The following PREX2 variants were observed in gnomAD, a reference collection of about 807,000 sequenced individuals.
The protein encoded by PREX2 is phosphatidylinositol 3,4,5-trisphosphate-dependent Rac exchanger 2 protein.
In PREX2, 107 loss-of-function variants were observed where a neutral mutation model predicts 203.2. The observed-to-expected ratio is 0.53, with a 90% CI of 0.45 to 0.62. The LOEUF (loss-of-function observed/expected upper bound fraction) is 0.62. Among genes scored for constraint, PREX2 ranks in the 20% least tolerant of loss-of-function variants. The pLI is 0.00. For missense variants in PREX2, 1,777 were observed against 1,955.9 expected (o/e 0.91, Z 1.72); for synonymous variants, 672 against 663.6 (o/e 1.01, Z -0.19).
In PREX2 at chr8:68,160,797, A is replaced by G. The variant is rs186845680; in HGVS notation, c.4346+3361A>G. On this transcript the variant is annotated intron_variant, in intron 35 of 39. Transcript: ENST00000288368. ...GATAGAGAGAAGACTTAGTTTTTCA[A>G]AAAATCAAAATACCTAATAAAGACA... is the stretch of plus-strand genomic sequence containing the variant. Among the ~76,000 whole-genome samples, 12 of 152,304 alleles carry G rather than the reference A, an allele frequency of 7.9e-5. No individual in the cohort carries two copies. The East Asian group carries it at 2.3e-3, about 29-fold the overall frequency.
chr8:68,067,393 C>T lies in PREX2; in HGVS notation c.1340-1640C>T, dbSNP rs114082613. 7.0e-3 allele frequency among the ~76,000 whole-genome samples: 1,070 copies of T among 151,992 alleles called. 19 individuals are homozygous for T. The highest frequency in any genetic ancestry group is 0.025 in the African/African-American group (1,017 of 41,510). ...CATTTATTTGTGTTTTCTTTAATTT[C>T]TTTCATAGTTTGTAGTTTATTATTT... On this transcript the variant is annotated intron_variant, in intron 11 of 39. Transcript: ENST00000288368.
intron 34 of PREX2, among the ~76,000 whole-genome samples, 181 bp downstream of exon 34, chr8:68,146,533 A>G (rs1335069972): frequency 6.6e-6 from 1 of 152,204 alleles, no homozygotes; most frequent in Non-Finnish European, 1.5e-5. Flanking sequence ...TATTTACCAA[A>G]TACAGTTGCA....
chr8:68,059,699 T>A (rs1160926640), intron 10 of PREX2, among the ~76,000 whole-genome samples: 1 of 152,076 alleles, frequency 6.6e-6, no homozygotes, highest in Non-Finnish European at 1.5e-5. Flanking sequence ...AAAATCAAGG[T>A]GCTGGCCAGA....
At position 67,956,431 on chromosome 8, in the gene PREX2, C is replaced by T. The variant is rs559092305; in HGVS notation, c.141+3896C>T. Among the ~76,000 whole-genome samples the T allele has an allele frequency of 1.1e-4, 17 of 152,332 alleles. No individual in the cohort carries two copies. The South Asian group carries it at 3.5e-3, about 32-fold the overall frequency. ...GCTCTGCTATTGCCATCTTGAAATT[C>T]TTGCCAATTTTATCTTTGACCTTGT... On this transcript the variant is annotated intron_variant, in intron 1 of 39. Transcript: ENST00000288368.
At chr8:68,155,981 C>A (rs189310317) in intron 34 of PREX2, among the ~76,000 whole-genome samples, 34 of 152,240 alleles carry the variant, frequency 2.2e-4, no homozygotes, top group African/African-American at 2.4e-5. Context: ...ATTAATATTT[C>A]TTAATGAAGG....
intron 22 of PREX2, 22 bp downstream of exon 22, chr8:68,097,223 T>C (rs768111306): frequency 6.3e-7 from 1 of 1,576,024 alleles, no homozygotes; most frequent in Admixed American, 1.8e-5. Context: ...GCTGAAGAAA[T>C]AAGATTTTTT....
chr8:68,182,408 T>C (rs1385368496), intron 35 of PREX2, among the ~76,000 whole-genome samples: 1 of 152,136 alleles, frequency 6.6e-6, no homozygotes, highest in Non-Finnish European at 1.5e-5. Flanking sequence ...GCATACTCAC[T>C]CTCTAATTTT....
chr8:68,204,842 C>T (rs1324597146), intron 37 of PREX2, among the ~76,000 whole-genome samples: 2 of 151,716 alleles, frequency 1.3e-5, no homozygotes, highest in Non-Finnish European at 2.9e-5. Flanking sequence ...CCACCACACC[C>T]GGCTAATTTT....
At chr8:68,077,245 G>T (rs1177627732) in intron 14 of PREX2, 152 bp from the exon 15 acceptor site, 4 of 612,280 alleles carry the variant, frequency 6.5e-6, no homozygotes, top group Non-Finnish European at 9.0e-6. Flanking sequence ...TGAATGTTTT[G>T]TAACAATTAG....
chr8:68,064,773 A>G (rs1227017472), intron 11 of PREX2, among the ~76,000 whole-genome samples: 1 of 152,130 alleles, frequency 6.6e-6, no homozygotes, highest in Non-Finnish European at 1.5e-5. Flanking sequence ...TTGCTTGTGT[A>G]TAGTGGAAAT....
At chr8:68,103,613 A>G (rs1267060351) in intron 23 of PREX2, 1 of 518,870 alleles carries the variant, frequency 1.9e-6, no homozygotes, top group Non-Finnish European at 3.8e-6. Context: ...ATTACCCTCA[A>G]CACACTCCAG....
At chr8:68,129,466 C>T (rs11985334) in intron 31 of PREX2, among the ~76,000 whole-genome samples, 5,967 of 152,038 alleles carry the variant, frequency 0.039, 344 homozygotes, top group African/African-American at 0.13. Context: ...TTTTTGGCTG[C>T]GAAATTATGT....
At chr8:68,083,627 C>T (rs575530124) in intron 18 of PREX2, among the ~76,000 whole-genome samples, 1 of 152,212 alleles carries the variant, frequency 6.6e-6, no homozygotes, top group East Asian at 1.9e-4. Context: ...TTTTGCTGCC[C>T]ACATTTTCCT....
chr8:67,961,815 G>A (rs908393344), intron 1 of PREX2, among the ~76,000 whole-genome samples: 2 of 152,080 alleles, frequency 1.3e-5, no homozygotes, highest in African/African-American at 4.8e-5. Context: ...TACATATAAC[G>A]GAGCATAGTG....
chr8:67,971,565 C>A (rs537117613), intron 1 of PREX2, among the ~76,000 whole-genome samples: 1 of 152,112 alleles, frequency 6.6e-6, no homozygotes, highest in Admixed American at 6.6e-5. Flanking sequence ...TAGGTAATAT[C>A]ATAATAGAAT....
At chr8:68,117,028 A>G (rs961854233) in intron 26 of PREX2, among the ~76,000 whole-genome samples, 3 of 152,234 alleles carry the variant, frequency 2.0e-5, no homozygotes, top group Admixed American at 2.0e-4. Context: ...TTTCATTTAT[A>G]TTAATTGAAA....
At chr8:67,953,797 G>A (rs941068598) in intron 1 of PREX2, among the ~76,000 whole-genome samples, 12 of 152,162 alleles carry the variant, frequency 7.9e-5, no homozygotes, top group Non-Finnish European at 1.2e-4. Flanking sequence ...AGGTATTTGA[G>A]AATATCCTGG....
chr8:68,133,284 C>G (rs1447265921), intron 31 of PREX2, among the ~76,000 whole-genome samples: 1 of 152,176 alleles, frequency 6.6e-6, no homozygotes, highest in Non-Finnish European at 1.5e-5. Context: ...CGCCCGGTCT[C>G]TTCCTCAACA....
chr8:68,085,217 C>T (rs1310696220), intron 18 of PREX2, among the ~76,000 whole-genome samples: 2 of 152,150 alleles, frequency 1.3e-5, no homozygotes, highest in Non-Finnish European at 2.9e-5. Flanking sequence ...GTATCCAGTA[C>T]ATAGTAAGTA....
Sources: allele counts gnomAD v4.1 joint callset (sites outside exome capture counted in the v4.1 genomes callset), GRCh38; gene constraint gnomAD v4.1.1; transcripts MANE v1.5; gene names NCBI Gene and HGNC (gene_info 2026-07-23, HGNC 2026-07-21).